GNA14: variants seen among roughly 807,000 people sequenced by gnomAD.
GNA14 encodes G protein subunit alpha 14.
Under a neutral mutation model 42.0 loss-of-function variants are expected in GNA14, and 50 were observed. The observed-to-expected ratio is 1.19, with a 90% CI of 0.95 to 1.51. The LOEUF is 1.51. Ranked by LOEUF, GNA14 falls within the 40% of genes most tolerant of loss-of-function variation. GNA14 has a pLI of 0.00. For synonymous variants in GNA14, 173 were observed against 163.1 expected (o/e 1.06, Z -0.46); for missense variants, 473 against 446.2 (o/e 1.06, Z -0.54).
chr9:77,518,589 T>C (rs553770136), intron 2 of GNA14, among the ~76,000 whole-genome samples: 222 of 152,290 alleles, frequency 1.5e-3, no homozygotes, highest in Middle Eastern at 3.4e-3. Flanking sequence ...GCAGCTAACT[T>C]AGAGGCACTC....
intron 1 of GNA14, among the ~76,000 whole-genome samples, chr9:77,619,931 G>A (rs1823894627): frequency 6.6e-6 from 1 of 152,024 alleles, no homozygotes; most frequent in African/African-American, 2.4e-5. Context: ...TTGATACACT[G>A]GAATTACTGC....
At chr9:77,626,977 T>C (rs1270105550) in intron 1 of GNA14, among the ~76,000 whole-genome samples, 2 of 151,902 alleles carry the variant, frequency 1.3e-5, no homozygotes, top group African/African-American at 4.8e-5. Flanking sequence ...ACAAAATAGA[T>C]AGACCACTAA....
chr9:77,501,713 C>CTTTCT (rs546573372), intron 2 of GNA14, among the ~76,000 whole-genome samples: 1 of 130,420 alleles, frequency 7.7e-6, no homozygotes, highest in African/African-American at 3.0e-5. Context: ...TGGATAATTT[C>CTTTCT]TTTTTTTTTT....
intron 2 of GNA14, among the ~76,000 whole-genome samples, chr9:77,464,052 G>A (rs571141592): frequency 5.9e-5 from 9 of 152,286 alleles, no homozygotes; most frequent in South Asian, 2.1e-4. Flanking sequence ...CCAGGTTGGA[G>A]TGGAGTGGTG....
intron 2 of GNA14, among the ~76,000 whole-genome samples, chr9:77,441,658 C>T (rs541627641): frequency 1.0e-3 from 153 of 151,804 alleles, no homozygotes; most frequent in African/African-American, 3.5e-3. Context: ...AAAAGCACCC[C>T]TCTATAAGCT....
intron 1 of GNA14, among the ~76,000 whole-genome samples, chr9:77,618,628 T>A (rs1324817331): frequency 2.2e-4 from 8 of 36,576 alleles, no homozygotes; most frequent in African/African-American, 9.0e-4. Flanking sequence ...ATATTTTTTT[T>A]TTTTTTTTTT....
rs73462041 is a variant in GNA14, at chr9:77,601,669, C to A, written c.124+46001G>T. On this transcript the variant is annotated intron_variant, in intron 1 of 6. Transcript: ENST00000341700. Reference sequence around the variant, plus strand: ...AATAATTTCCTAATTAGTCATTAAACCCTCGTAGCTCACCAAACTGGCCTA... The same window carrying A: ...AATAATTTCCTAATTAGTCATTAAAACCTCGTAGCTCACCAAACTGGCCTA... 7.9e-3 allele frequency among the ~76,000 whole-genome samples: 1,202 copies of A among 152,242 alleles called. 18 individuals carry two copies. Among genetic ancestry groups the A allele is most frequent in the African/African-American group, 0.027 (1,114 of 41,538 alleles).
chr9:77,559,369 G>T (rs931520293), intron 1 of GNA14, among the ~76,000 whole-genome samples: 3 of 152,100 alleles, frequency 2.0e-5, no homozygotes, highest in Admixed American at 6.5e-5. Flanking sequence ...AGACAATAAA[G>T]GTGCAAGTGA....
chr9:77,521,648 T>A (rs1172565895), intron 2 of GNA14, among the ~76,000 whole-genome samples: 1 of 152,144 alleles, frequency 6.6e-6, no homozygotes, highest in Admixed American at 6.5e-5. Context: ...GTTAGAAATA[T>A]ACTCTCCTAT....
chr9:77,551,057 C>G (rs572517433), intron 1 of GNA14, among the ~76,000 whole-genome samples: 1 of 152,176 alleles, frequency 6.6e-6, no homozygotes, highest in African/African-American at 2.4e-5. Context: ...TCAAAACATA[C>G]ATTGCTGAAT....
Position 77,529,130 on chromosome 9 carries a change from A to C in GNA14, c.248T>G (p.Met83Arg). The C allele has an allele frequency of 6.2e-7, 1 of 1,614,174 alleles. No homozygotes were observed. Among genetic ancestry groups the C allele is most frequent in the African/African-American group, 1.3e-5 (1 of 75,050 alleles). Residue 83 changes from methionine (M) to arginine (R), a missense_variant, in exon 2 of 7, where the codon ATG (methionine) becomes AGG (arginine). Coordinates refer to ENST00000341700, the MANE Select transcript of GNA14 (RefSeq NM_004297.4). Reference protein sequence around the residue: ...KLVYQNIFTAMQAMIRAMDTL... With the variant: ...KLVYQNIFTARQAMIRAMDTL... ...GTCCATCGCTCTGATCATGGCTTGC[A>C]TGGCGGTGAATATGTTTTGGTAAAC...
chr9:77,458,346 G>A (rs1414613479), intron 2 of GNA14, among the ~76,000 whole-genome samples: 3 of 152,186 alleles, frequency 2.0e-5, no homozygotes, highest in Non-Finnish European at 4.4e-5. Context: ...GGAGAATGTG[G>A]AAGCAGTGGA....
intron 2 of GNA14, among the ~76,000 whole-genome samples, chr9:77,469,937 T>G (rs1371346644): frequency 6.6e-6 from 1 of 152,182 alleles, no homozygotes; most frequent in Non-Finnish European, 1.5e-5. Flanking sequence ...TACATAATTT[T>G]GTAAAAAAGC....
chr9:77,554,039 G>T (rs1239877431), intron 1 of GNA14, among the ~76,000 whole-genome samples: 1 of 152,014 alleles, frequency 6.6e-6, no homozygotes, highest in Admixed American at 6.6e-5. Context: ...AGGCCAGGAG[G>T]GAGTACAGTA....
intron 4 of GNA14, among the ~76,000 whole-genome samples, chr9:77,430,891 A>T (rs1422562491): frequency 6.6e-6 from 1 of 152,150 alleles, no homozygotes; most frequent in Non-Finnish European, 1.5e-5. Context: ...TTTCATACAC[A>T]TTTTTTGTAT....
intron 2 of GNA14, among the ~76,000 whole-genome samples, chr9:77,481,373 T>G (rs939147812): frequency 6.6e-6 from 1 of 152,258 alleles, no homozygotes; most frequent in Admixed American, 6.5e-5. Flanking sequence ...GTGAGTTTCT[T>G]AATCCTGAGT....
chr9:77,511,222 T>G (rs58612067), intron 2 of GNA14, among the ~76,000 whole-genome samples: 5,609 of 152,132 alleles, frequency 0.037, 240 homozygotes, highest in African/African-American at 0.11. Context: ...AAGCTAAAGA[T>G]CATCTGGTCA....
chr9:77,601,441 T>C (rs1823563055), intron 1 of GNA14, among the ~76,000 whole-genome samples: 2 of 152,198 alleles, frequency 1.3e-5, no homozygotes, highest in East Asian at 1.9e-4. Context: ...CACACGTTAT[T>C]TGAATAAAGC....
chr9:77,503,325 G>T (rs7025541), intron 2 of GNA14, among the ~76,000 whole-genome samples: 2,976 of 152,196 alleles, frequency 0.02, 89 homozygotes, highest in African/African-American at 0.068. Flanking sequence ...GATCCTCAAG[G>T]TATTTGAGGA....
Sources: allele counts gnomAD v4.1 joint callset (sites outside exome capture counted in the v4.1 genomes callset), GRCh38; gene constraint gnomAD v4.1.1; transcripts MANE v1.5; gene names NCBI Gene and HGNC (gene_info 2026-07-23, HGNC 2026-07-21).